LDB3: variants seen among roughly 807,000 people sequenced by gnomAD.
LDB3 encodes the protein LIM domain-binding protein 3.
Under a neutral mutation model 69.0 loss-of-function variants are expected in LDB3, and 49 were observed. The observed-to-expected ratio is 0.71, with a 90% CI of 0.56 to 0.90. The LOEUF is 0.90. Among genes scored for constraint, LDB3 ranks in the 40% least tolerant of loss-of-function variants. The pLI is 0.00. For synonymous variants in LDB3, 387 were observed against 396.2 expected, an observed-to-expected ratio of 0.98 and a Z score of 0.28; for missense variants, 928 against 974.1, an observed-to-expected ratio of 0.95 and a Z score of 0.63.
upstream of LDB3, among the ~76,000 whole-genome samples, chr10:86,667,485 C>G (rs1844226166): frequency 1.3e-5 from 2 of 152,196 alleles, no homozygotes; most frequent in Non-Finnish European, 2.9e-5. Context: ...GCTGAGGCCC[C>G]CATCCAGAAC....
chr10:86,718,787 A>G lies in LDB3; in HGVS notation c.1918A>G (p.Lys640Glu). ...CACCTGCTTCGTCTGTGCGGCCTGC[A>G]AGAAGCCTTTTGGGAACAGCCTCTT... ...HTTCFVCAACKKPFGNSLFHM... is the reference protein window; with the variant it reads ...HTTCFVCAACEKPFGNSLFHM... The change falls in exon 12 of 14, where the codon AAG becomes GAG. Residue 640 changes from lysine (K) to glutamate (E), a missense_variant. Physicochemically the swap from Lys to Glu is moderately conservative, Grantham distance 56. Transcript: ENST00000361373. 3 of 1,614,212 alleles carry G rather than the reference A, an allele frequency of 1.9e-6. No homozygotes were observed. Among genetic ancestry groups the G allele is most frequent in the Non-Finnish European group, 2.5e-6 (3 of 1,180,038 alleles).
At chr10:86,700,115 G>A (rs1447840267) in intron 7 of LDB3, 1 of 953,462 alleles carries the variant, frequency 1.0e-6, no homozygotes, top group African/African-American at 1.8e-5. Context: ...GGCATGATCT[G>A]GGACAGAGAG....
At chr10:86,671,504 G>A (rs1164535068) in intron 2 of LDB3, among the ~76,000 whole-genome samples, 4 of 152,140 alleles carry the variant, frequency 2.6e-5, no homozygotes, top group Non-Finnish European at 1.5e-5. Context: ...GGAAAGGAGG[G>A]TGGCGGGGAA....
At chr10:86,704,491 C>T (rs1367381154) in intron 7 of LDB3, among the ~76,000 whole-genome samples, 1 of 151,830 alleles carries the variant, frequency 6.6e-6, no homozygotes, top group East Asian at 1.9e-4. Context: ...ATGATCTCGG[C>T]TCACCGCAAC....
chr10:86,728,048 A>G (rs1282816210), intron 13 of LDB3, among the ~76,000 whole-genome samples: 1 of 152,078 alleles, frequency 6.6e-6, no homozygotes, highest in East Asian at 1.9e-4. Context: ...CCAAAAAGAG[A>G]CAATGGTGTA....
chr10:86,711,610 CGGGG>C (rs1369848448), intron 9 of LDB3, among the ~76,000 whole-genome samples: 2 of 151,858 alleles, frequency 1.3e-5, no homozygotes, highest in African/African-American at 4.8e-5. Flanking sequence ...TCAGAGAGGG[CGGGG>C]AGCCCGCGCG....
Position 86,699,466 on chromosome 10 carries a change from T to C in LDB3, c.896+6895T>C. Reference sequence around the variant, plus strand: ...TGGCATGTGAGCCCCACGGTGATGCTTGACAATGTATAACTCTGCTGGGGG... The same window carrying C: ...TGGCATGTGAGCCCCACGGTGATGCCTGACAATGTATAACTCTGCTGGGGG... On this transcript the variant is annotated intron_variant, in intron 7 of 13. Transcript: ENST00000361373. This position sits in a 1 kb window ranked among gnomAD's most constrained non-coding sequence, Gnocchi z 4.9. 3.1e-6 allele frequency: 5 copies of C among 1,598,736 alleles called. No individual in the cohort carries two copies. Among genetic ancestry groups the C allele is most frequent in the Non-Finnish European group, 4.3e-6 (5 of 1,174,314 alleles).
At chr10:86,685,417 C>T (rs1242609031) in intron 5 of LDB3, among the ~76,000 whole-genome samples, 1 of 152,210 alleles carries the variant, frequency 6.6e-6, no homozygotes, top group East Asian at 1.9e-4. Context: ...GAAAACCCTT[C>T]TTCTGGCAAA....
intron 1 of LDB3, 40 bp downstream of exon 1, chr10:86,668,610 CG>C: frequency 9.2e-7 from 1 of 1,086,374 alleles, no homozygotes; most frequent in Non-Finnish European, 1.4e-6. Flanking sequence ...AGGTGTGGAC[CG>C]GGCAGGCGGA....
Position 86,699,451 on chromosome 10 carries a change from G to A in LDB3, c.896+6880G>A. ...ACCCCCACACAGATCTGGCATGTGAGCCCCACGGTGATGCTTGACAATGTA... is the reference window on the plus strand; with the variant it reads ...ACCCCCACACAGATCTGGCATGTGAACCCCACGGTGATGCTTGACAATGTA... On this transcript the variant is annotated intron_variant, in intron 7 of 13. Coordinates refer to ENST00000361373, the MANE Select transcript of LDB3 (RefSeq NM_007078.3). The surrounding 1 kb of genome is among the most constrained non-coding windows in gnomAD (Gnocchi z 4.9). 6.2e-7 allele frequency: 1 copy of A among 1,607,634 alleles called. No individual in the cohort carries two copies. Among genetic ancestry groups the A allele is most frequent in the Admixed American group, 1.7e-5 (1 of 59,452 alleles).
At chr10:86,688,274 A>G (rs1845600030) in intron 5 of LDB3, among the ~76,000 whole-genome samples, 1 of 152,158 alleles carries the variant, frequency 6.6e-6, no homozygotes. Context: ...AAAGCCAGAA[A>G]AACCGATGTA....
intron 7 of LDB3, among the ~76,000 whole-genome samples, chr10:86,705,960 C>A (rs1181637038): frequency 1.3e-5 from 2 of 152,172 alleles, no homozygotes; most frequent in African/African-American, 4.8e-5. Flanking sequence ...CCACTTTTGT[C>A]CAGGTAACCT....
intron 5 of LDB3, among the ~76,000 whole-genome samples, chr10:86,690,339 T>C (rs981337808): frequency 1.3e-5 from 2 of 152,216 alleles, no homozygotes; most frequent in African/African-American, 4.8e-5. Flanking sequence ...CTCCTCCCTA[T>C]GCCAGAAATG....
At chr10:86,709,376 T>TG (rs1294449091) in intron 8 of LDB3, among the ~76,000 whole-genome samples, 4 of 152,032 alleles carry the variant, frequency 2.6e-5, no homozygotes, top group South Asian at 4.2e-4. Context: ...AGGTGTGTGT[T>TG]GGGGGAGAGG....
At chr10:86,731,452 T>C (rs1428230903) in intron 13 of LDB3, among the ~76,000 whole-genome samples, 4 of 152,026 alleles carry the variant, frequency 2.6e-5, no homozygotes, top group Non-Finnish European at 5.9e-5. Context: ...CTCAAACTCC[T>C]GATCTCGTGG....
At chr10:86,701,849 T>TG (rs920680943) in intron 7 of LDB3, among the ~76,000 whole-genome samples, 36 of 152,330 alleles carry the variant, frequency 2.4e-4, no homozygotes, top group African/African-American at 8.7e-4. Context: ...ATGCAGAGGA[T>TG]GTCATGGTTA....
intron 7 of LDB3, among the ~76,000 whole-genome samples, chr10:86,695,028 C>T (rs548921714): frequency 6.6e-6 from 1 of 152,354 alleles, no homozygotes; most frequent in Admixed American, 6.5e-5. Context: ...CCCAGGAAGG[C>T]TTCCCTGTAA....
At chr10:86,686,608 G>A (rs1232319515) in intron 5 of LDB3, among the ~76,000 whole-genome samples, 1 of 152,032 alleles carries the variant, frequency 6.6e-6, no homozygotes, top group Non-Finnish European at 1.5e-5. Flanking sequence ...CTTGAGGTCA[G>A]GAGTTCAAGA....
At chr10:86,718,321 C>T (rs1255761859) in intron 11 of LDB3, among the ~76,000 whole-genome samples, 177 bp downstream of exon 11, 2 of 152,192 alleles carry the variant, frequency 1.3e-5, no homozygotes, top group East Asian at 1.9e-4. Flanking sequence ...GAACTTGATG[C>T]AAGAGATGAT....
Sources: gnomAD v4.1 joint callset for allele counts (sites outside exome capture counted in the v4.1 genomes callset) on GRCh38, gnomAD v4.1.1 for gene constraint, Gnocchi (gnomAD v3.1) non-coding constraint, MANE v1.5 for transcripts, NCBI Gene and HGNC (gene_info 2026-07-23, HGNC 2026-07-21) for gene names.